Variants in RNF152 observed in about 807,000 individuals in gnomAD.
The protein encoded by RNF152 is ring finger protein 152.
RNF152 carries 11 observed loss-of-function variants against 12.7 expected under a neutral mutation model. The observed-to-expected ratio is 0.86, with a 90% CI of 0.54 to 1.43. The LOEUF is 1.43. Among genes scored for constraint, RNF152 ranks in the 40% most tolerant of loss-of-function variants. The pLI is 0.00. For missense variants in RNF152, 255 were observed against 274.8 expected (o/e 0.93, Z 0.51); for synonymous variants, 113 against 120.3 (o/e 0.94, Z 0.40).
intron 1 of RNF152, among the ~76,000 whole-genome samples, chr18:61,833,904 A>T (rs12373177): frequency 0.28 from 42,260 of 152,070 alleles, 6,446 homozygotes; most frequent in Non-Finnish European, 0.35. Context: ...AGTTTCATCC[A>T]CAAGATAAAA....
rs190495890 is a variant in RNF152 at position 61,842,682 on chromosome 18, G to A, written c.-135-26084C>T. 9.8e-5 allele frequency among the ~76,000 whole-genome samples: 15 copies of A among 152,306 alleles called. No individual in the cohort carries two copies. The East Asian group carries it at 2.5e-3, about 25-fold the overall frequency. ...ACTGGGCAATTTACAAAAGAAAGAG[G>A]TTTAATGGACTCACAGTTCCACATG... On this transcript the variant is annotated intron_variant, in intron 1 of 1. Transcript: ENST00000312828.
At chr18:61,849,274 T>A (rs1358315668) in intron 1 of RNF152, among the ~76,000 whole-genome samples, 1 of 152,214 alleles carries the variant, frequency 6.6e-6, no homozygotes, top group African/African-American at 2.4e-5. Flanking sequence ...CCAATCACTA[T>A]GTGACATGGC....
rs769798435 is a variant in RNF152, at chr18:61,815,950, C to G, written c.514G>C (p.Val172Leu). 1 of 1,614,240 alleles carries G rather than the reference C, an allele frequency of 6.2e-7. No homozygotes were observed. Among genetic ancestry groups the G allele is most frequent in the Non-Finnish European group, 8.5e-7 (1 of 1,180,048 alleles). Residue 172 changes from valine to leucine, a missense_variant, in exon 2 of 2, where the codon GTC becomes CTC. Transcript: ENST00000312828. ...KSSTWSGVCT[V>L]ILVACVLVFL... ...ACCAAGACGCAAGCCACCAAGATGA[C>G]AGTGCACACCCCCGACCAGGTGGAG...
At chr18:61,868,917 G>T (rs1911859406) in intron 1 of RNF152, among the ~76,000 whole-genome samples, 1 of 152,126 alleles carries the variant, frequency 6.6e-6, no homozygotes, top group Non-Finnish European at 1.5e-5. Context: ...CTTCATAGAT[G>T]ACTTAAAATC....
intron 1 of RNF152, among the ~76,000 whole-genome samples, chr18:61,892,423 C>CT (rs1466644346): frequency 6.6e-6 from 1 of 152,144 alleles, no homozygotes; most frequent in Non-Finnish European, 1.5e-5. Flanking sequence ...ACCTTTTCAA[C>CT]AAAGGATACC....
rs1912874835 is a variant in RNF152 at position 61,889,888 on chromosome 18, C to T, written c.-136+2907G>A. Among the ~76,000 whole-genome samples, 3 of 152,290 alleles carry T rather than the reference C, an allele frequency of 2.0e-5. No individual in the cohort carries two copies. The South Asian group carries it at 6.2e-4, about 32-fold the overall frequency. ...TGAGGAAGAGAAAGTCTGTAAGTAA[C>T]ACCTCTCTATTACATAATGCTAAGC... On this transcript the variant is annotated intron_variant, in intron 1 of 1. Coordinates refer to ENST00000312828, the MANE Select transcript of RNF152 (RefSeq NM_173557.3).
Position 61,817,085 on chromosome 18 carries a change from C to T in RNF152, c.-135-487G>A, listed in dbSNP as rs1909142451. Among the ~76,000 whole-genome samples, 3 of 152,308 alleles carry T rather than the reference C, an allele frequency of 2.0e-5. No individual in the cohort carries two copies. The South Asian group carries it at 6.2e-4, about 32-fold the overall frequency. On this transcript the variant is annotated intron_variant, in intron 1 of 1. Coordinates refer to ENST00000312828, the MANE Select transcript of RNF152 (RefSeq NM_173557.3). The stretch of plus-strand genomic sequence containing the variant: ...GGCAACTTCACAAACCTAGGTACTT[C>T]CTATAACTAACTCGCTCAGTTTACA...
upstream of RNF152, chr18:61,893,533 C>T: frequency 6.5e-6 from 1 of 152,752 alleles, no homozygotes; most frequent in Non-Finnish European, 1.5e-5. Context: ...ACGAGTCCAG[C>T]TGGCTTTGTC....
intron 1 of RNF152, among the ~76,000 whole-genome samples, chr18:61,848,963 G>A (rs148022016): frequency 4.6e-5 from 7 of 152,206 alleles, no homozygotes; most frequent in Admixed American, 2.6e-4. Context: ...CCAATAGCCC[G>A]TGGAGATCCT....
chr18:61,877,738 AAAAC>A lies in RNF152; in HGVS notation c.-136+15053_-136+15056del, dbSNP rs143065119. Among the ~76,000 whole-genome samples, 294 of 152,326 alleles carry A rather than the reference AAAAC, an allele frequency of 1.9e-3. 1 individual carries two copies. The highest frequency in any genetic ancestry group is 3.3e-3 in the Admixed American group (51 of 15,292). On this transcript the variant is annotated intron_variant, in intron 1 of 1. Coordinates refer to ENST00000312828, the MANE Select transcript of RNF152 (RefSeq NM_173557.3). ...CAATAAGGCTGATGCTGCACAAGAA[AAAAC>A]AAACAAAATCTGTCCCTTTTTTTGT...
At chr18:61,840,062 G>T (rs1910381958) in intron 1 of RNF152, among the ~76,000 whole-genome samples, 1 of 152,190 alleles carries the variant, frequency 6.6e-6, no homozygotes, top group African/African-American at 2.4e-5. Context: ...GGGTATCACT[G>T]CTCCCATGCA....
chr18:61,850,896 C>A (rs1383839706), intron 1 of RNF152, among the ~76,000 whole-genome samples: 4 of 152,076 alleles, frequency 2.6e-5, no homozygotes, highest in African/African-American at 9.7e-5. Flanking sequence ...ACAGCATGCA[C>A]CCCTGAATGG....
chr18:61,862,035 T>C (rs1663497610), intron 1 of RNF152, among the ~76,000 whole-genome samples: 1 of 152,174 alleles, frequency 6.6e-6, no homozygotes. Flanking sequence ...TACAACTCCC[T>C]GAGGCCCTCA....
chr18:61,879,981 AT>A (rs1348983655), intron 1 of RNF152, among the ~76,000 whole-genome samples: 10 of 110,626 alleles, frequency 9.0e-5, no homozygotes, highest in East Asian at 6.9e-4. Context: ...AAAAAAAAAA[AT>A]TTTTTTTGTG....
chr18:61,859,519 G>A, intron 1 of RNF152, among the ~76,000 whole-genome samples: 1 of 152,188 alleles, frequency 6.6e-6, no homozygotes, highest in East Asian at 1.9e-4. Context: ...GAGAAAAGGA[G>A]CATCACCCAC....
At chr18:61,884,012 C>T (rs1427746640) in intron 1 of RNF152, among the ~76,000 whole-genome samples, 1 of 152,188 alleles carries the variant, frequency 6.6e-6, no homozygotes. Flanking sequence ...CCTTGGCTAG[C>T]TTAAGGGCTT....
At chr18:61,879,199 T>C (rs886109269) in intron 1 of RNF152, among the ~76,000 whole-genome samples, 3 of 152,200 alleles carry the variant, frequency 2.0e-5, no homozygotes, top group Admixed American at 2.0e-4. Flanking sequence ...GTGCACAGAC[T>C]TCTTCATTTT....
rs1909086174 is a variant in RNF152 at position 61,816,314 on chromosome 18, C to T, written c.150G>A (p.Arg50=). 6.2e-7 allele frequency: 1 copy of T among 1,614,096 alleles called. No individual in the cohort carries two copies. Among genetic ancestry groups the T allele is most frequent in the Non-Finnish European group, 8.5e-7 (1 of 1,180,046 alleles). ...QQMRTSQKDV[R]CPWCRGVTKL... Reference sequence around the variant, plus strand: ...TGGTGACACCGCGGCACCAGGGGCACCGCACATCCTTCTGGCTGGTCCTCA... The same window carrying T: ...TGGTGACACCGCGGCACCAGGGGCATCGCACATCCTTCTGGCTGGTCCTCA... Residue 50 remains arginine, a synonymous_variant, in exon 2 of 2, where the codon CGG becomes CGA. Coordinates refer to ENST00000312828, the MANE Select transcript of RNF152 (RefSeq NM_173557.3).
chr18:61,860,648 T>C (rs1911431269), intron 1 of RNF152, among the ~76,000 whole-genome samples: 2 of 152,256 alleles, frequency 1.3e-5, no homozygotes, highest in Admixed American at 6.5e-5. Context: ...TACTGTACTA[T>C]ATTTTTATCA....
Sources: allele counts gnomAD v4.1 joint callset (sites outside exome capture counted in the v4.1 genomes callset), GRCh38; gene constraint gnomAD v4.1.1; transcripts MANE v1.5; gene names NCBI Gene and HGNC (gene_info 2026-07-23, HGNC 2026-07-21).